CCDC14: variants seen among roughly 807,000 people sequenced by gnomAD.
CCDC14 encodes the protein coiled-coil domain containing 14.
Under a neutral mutation model 81.4 loss-of-function variants are expected in CCDC14, and 71 were observed. The ratio of observed to expected loss-of-function variants is 0.87; its 90% CI spans 0.72 to 1.06. The LOEUF is 1.06. CCDC14 is among the 50% of genes least tolerant of loss of function. The probability of loss-of-function intolerance (pLI) is 0.00; values close to 1 mark genes in which losing one functional copy is unlikely to be tolerated. For synonymous variants in CCDC14, 332 were observed against 364.8 expected (o/e 0.91, Z 1.03); for missense variants, 1,046 against 1,047.3 (o/e 1.00, Z 0.02).
rs542239624 is a variant in CCDC14, at chr3:123,939,160, G to A, written c.1344-5405C>T. Among the ~76,000 whole-genome samples the A allele has an allele frequency of 6.6e-5, 10 of 151,860 alleles. No individual in the cohort carries two copies. The South Asian group carries it at 2.1e-3, about 32-fold the overall frequency. ...ATGACTGTTGCCTTTGCACTAAAAG[G>A]ACAGCTAGACCACATTAGAGATTCT... On this transcript the variant is annotated intron_variant, in intron 9 of 12. Coordinates refer to ENST00000409697, the MANE Select transcript of CCDC14 (RefSeq NM_001366335.1).
intron 12 of CCDC14, among the ~76,000 whole-genome samples, chr3:123,921,404 C>T (rs2035035755): frequency 6.6e-6 from 1 of 152,114 alleles, no homozygotes. Context: ...ACAAAACAGA[C>T]TTTAAGTCAA....
chr3:123,945,297 C>G (rs1426928763), intron 8 of CCDC14, among the ~76,000 whole-genome samples: 3 of 151,720 alleles, frequency 2.0e-5, no homozygotes, highest in Non-Finnish European at 4.4e-5. Flanking sequence ...TTACACAAAA[C>G]TCTTAGTCCA....
intron 5 of CCDC14, among the ~76,000 whole-genome samples, chr3:123,899,843 T>A (rs923279157): frequency 1.3e-5 from 2 of 152,210 alleles, no homozygotes; most frequent in Admixed American, 6.5e-5. Flanking sequence ...TAATGTCAAC[T>A]CCAGCCATGG....
rs1261970479 is a variant in CCDC14, at chr3:123,946,821, C to A, written c.1183G>T (p.Ala395Ser). 2 of 1,613,548 alleles carry A rather than the reference C, an allele frequency of 1.2e-6. No homozygotes were observed. Among genetic ancestry groups the A allele is most frequent in the Non-Finnish European group, 8.5e-7 (1 of 1,179,698 alleles). ...IIKYLLGELK[A>S]LVAEQEDSEI... ...CATCTACCTTGTTCTGCTACCAGGG[C>A]CTTGAGCTCTCCCAACAAATATTTT... Residue 395 changes from alanine to serine, a missense_variant, in exon 8 of 13, where the codon GCC (alanine) becomes TCC (serine). Physicochemically the swap from Ala to Ser is moderately conservative, Grantham distance 99 (BLOSUM62 1). Transcript: ENST00000409697.
intron 5 of CCDC14, among the ~76,000 whole-genome samples, chr3:123,899,250 T>A (rs1216241548): frequency 1.3e-5 from 2 of 152,226 alleles, no homozygotes; most frequent in Non-Finnish European, 2.9e-5. Flanking sequence ...CTAGCTTAAG[T>A]TGTCCTTGAT....
At chr3:123,902,747 T>A (rs2034203213) in intron 5 of CCDC14, among the ~76,000 whole-genome samples, 1 of 152,242 alleles carries the variant, frequency 6.6e-6, no homozygotes, top group Non-Finnish European at 1.5e-5. Context: ...ACTAGCTAAC[T>A]ATTTAATGAA....
intron 5 of CCDC14, among the ~76,000 whole-genome samples, chr3:123,907,998 T>G (rs1282721951): frequency 6.6e-6 from 1 of 152,028 alleles, no homozygotes; most frequent in African/African-American, 2.4e-5. Context: ...TAAGAACCAG[T>G]GTAAATTATT....
chr3:123,941,175 G>A (rs2036330336), intron 9 of CCDC14, among the ~76,000 whole-genome samples: 1 of 152,012 alleles, frequency 6.6e-6, no homozygotes, highest in African/African-American at 2.4e-5. Context: ...ATTTGGAAAT[G>A]TGCCAGGCCT....
chr3:123,906,537 G>A (rs974579063), intron 5 of CCDC14, among the ~76,000 whole-genome samples: 1 of 151,884 alleles, frequency 6.6e-6, no homozygotes, highest in Non-Finnish European at 1.5e-5. Context: ...AATGACTGAA[G>A]TTTTCCAGAA....
At chr3:123,897,697 T>C in intron 5 of CCDC14, 1 of 631,180 alleles carries the variant, frequency 1.6e-6, no homozygotes, top group Non-Finnish European at 2.1e-6. Flanking sequence ...TCATCCTTCC[T>C]TCATATTCTA....
At chr3:123,960,069 C>T (rs1036147678) in intron 1 of CCDC14, among the ~76,000 whole-genome samples, 1 of 152,144 alleles carries the variant, frequency 6.6e-6, no homozygotes, top group African/African-American at 2.4e-5. Flanking sequence ...ACCCTTGATA[C>T]AAACTGCAAA....
chr3:123,912,316 C>T (rs1383548668), downstream of CCDC14, among the ~76,000 whole-genome samples: 1 of 152,134 alleles, frequency 6.6e-6, no homozygotes, highest in Non-Finnish European at 1.5e-5. Context: ...TCTGAGACTA[C>T]GATGAGGCAG....
At chr3:123,927,227 G>A (rs997275630) in intron 12 of CCDC14, among the ~76,000 whole-genome samples, 7 of 147,508 alleles carry the variant, frequency 4.7e-5, no homozygotes, top group African/African-American at 1.2e-4. Context: ...GCAACATGGC[G>A]AGACCTCGTC....
At chr3:123,887,982 G>C in the CCDC14 span, among the ~76,000 whole-genome samples, 1 of 150,870 alleles carries the variant, frequency 6.6e-6, no homozygotes. Flanking sequence ...TTTCTTTTAA[G>C]TTTTTATTAG....
rs374362115 is a variant in CCDC14, at chr3:123,929,790, A to C, written c.1778+1312T>G. Among the ~76,000 whole-genome samples the C allele has an allele frequency of 1.9e-4, 29 of 152,204 alleles. No homozygotes were observed. The East Asian group carries it at 2.1e-3, about 11-fold the overall frequency. On this transcript the variant is annotated intron_variant, in intron 12 of 12. Transcript: ENST00000409697. ...TGGGTTCCTCCAGCCCCTGGCAACTACTAATCTACTTTGTGTCTCTGTGAA... is the reference window on the plus strand; with the variant it reads ...TGGGTTCCTCCAGCCCCTGGCAACTCCTAATCTACTTTGTGTCTCTGTGAA...
At chr3:123,890,638 G>A in the CCDC14 span, among the ~76,000 whole-genome samples, 15 of 152,190 alleles carry the variant, frequency 9.9e-5, no homozygotes, top group Non-Finnish European at 1.6e-4. Context: ...GTGAGAGGTG[G>A]GTTCTCATGG....
intron 12 of CCDC14, among the ~76,000 whole-genome samples, chr3:123,926,976 G>T (rs1313275081): frequency 3.3e-5 from 5 of 152,086 alleles, no homozygotes; most frequent in Admixed American, 2.0e-4. Flanking sequence ...AAATTAAAAT[G>T]GTCACAGCAA....
Position 123,948,686 on chromosome 3 carries a change from C to G in CCDC14, c.684+5G>C. ...TTACTTATGTAGTATAAGAACTGTACGCACAGAATGAACCTTTGGAGGGCA... is the reference window on the plus strand; with the variant it reads ...TTACTTATGTAGTATAAGAACTGTAGGCACAGAATGAACCTTTGGAGGGCA... On this transcript the variant is annotated splice_donor_5th_base_variant and intron_variant, in intron 7 of 12. Transcript: ENST00000409697. 1 of 1,589,800 alleles carries G rather than the reference C, an allele frequency of 6.3e-7. No individual in the cohort carries two copies. Among genetic ancestry groups the G allele is most frequent in the Non-Finnish European group, 8.5e-7 (1 of 1,170,020 alleles).
At chr3:123,921,845 G>GC (rs2035065880) in intron 12 of CCDC14, among the ~76,000 whole-genome samples, 1 of 152,228 alleles carries the variant, frequency 6.6e-6, no homozygotes, top group African/African-American at 2.4e-5. Flanking sequence ...TGGCTCAGGG[G>GC]CCATCAGTTG....
Sources: gnomAD v4.1 joint callset for allele counts (sites outside exome capture counted in the v4.1 genomes callset) on GRCh38, gnomAD v4.1.1 for gene constraint, MANE v1.5 for transcripts, NCBI Gene and HGNC (gene_info 2026-07-23, HGNC 2026-07-21) for gene names.